Variants in SLC39A12 observed in about 807,000 individuals in gnomAD.
SLC39A12 encodes the protein zinc transporter ZIP12.
In SLC39A12, 63 loss-of-function variants were observed where a neutral mutation model predicts 71.1. That is an observed-to-expected ratio of 0.89 (90% CI 0.72 to 1.09). The LOEUF (loss-of-function observed/expected upper bound fraction) is 1.09. SLC39A12 is among the 50% of genes least tolerant of loss of function. The pLI is 0.00. For missense variants in SLC39A12, 892 were observed against 812.6 expected (o/e 1.10, Z -1.19); for synonymous variants, 351 against 301.3 (o/e 1.16, Z -1.71).
chr10:17,969,772 G>A (rs1369156605), intron 4 of SLC39A12, among the ~76,000 whole-genome samples: 2 of 152,018 alleles, frequency 1.3e-5, no homozygotes, highest in Non-Finnish European at 2.9e-5. Flanking sequence ...CTTTTGCTGT[G>A]CAGCTTTGTA....
rs1416920623 is a variant in SLC39A12 at position 18,042,940 on chromosome 10, A to G, written c.*107A>G. ...AATTAAGAATTTTTTATCTTAGGCA[A>G]AGTGTGTCTCTTTCAATTCATTAAC... On this transcript the variant is annotated 3_prime_UTR_variant, in exon 13 of 13. Coordinates refer to ENST00000377369, the MANE Select transcript of SLC39A12 (RefSeq NM_001145195.2). The G allele has an allele frequency of 6.8e-6, 6 of 887,390 alleles. No homozygotes were observed. Among genetic ancestry groups the G allele is most frequent in the Non-Finnish European group, 9.4e-6 (6 of 639,944 alleles). 55.0% of individuals were successfully genotyped at this position (887,390 alleles called of 1,614,324 possible). A position where few individuals can be genotyped will look rare whatever the true frequency, so the allele number is the denominator to read the frequency against.
intron 6 of SLC39A12, 48 bp downstream of exon 6, chr10:17,981,531 A>T (rs753848543): frequency 6.8e-7 from 1 of 1,471,632 alleles, no homozygotes; most frequent in African/African-American, 1.4e-5. Flanking sequence ...CAATGTATGC[A>T]ATAATAATAG....
At chr10:18,038,710 T>C (rs965822678) in intron 12 of SLC39A12, among the ~76,000 whole-genome samples, 1 of 152,156 alleles carries the variant, frequency 6.6e-6, no homozygotes, top group Non-Finnish European at 1.5e-5. Context: ...GTTTTGGATT[T>C]AGTCAAAACA....
intron 6 of SLC39A12, 117 bp downstream of exon 6, chr10:17,981,600 CT>C (rs1466477499): frequency 1.3e-6 from 1 of 770,006 alleles, no homozygotes; most frequent in Admixed American, 3.1e-5. Context: ...CATTTATCAG[CT>C]CATTTAATCC....
chr10:17,961,508 G>C (rs1316116821), intron 2 of SLC39A12, 73 bp from the exon 3 acceptor site: 3 of 1,399,202 alleles, frequency 2.1e-6, no homozygotes, highest in East Asian at 2.3e-5. Flanking sequence ...GAAGACCCTG[G>C]TGGTCATTAG....
At chr10:17,981,247 A>G in intron 5 of SLC39A12, 65 bp from the exon 6 acceptor site, 3 of 1,422,522 alleles carry the variant, frequency 2.1e-6, no homozygotes. Flanking sequence ...CAAGGATGAC[A>G]ACTGGTGGAG....
chr10:18,031,249 T>A (rs1836840200), intron 12 of SLC39A12, among the ~76,000 whole-genome samples: 1 of 145,008 alleles, frequency 6.9e-6, no homozygotes, highest in South Asian at 2.2e-4. Context: ...GTTGAACTAG[T>A]TTACAGTCCC....
chr10:18,000,890 T>C, intron 11 of SLC39A12, 65 bp downstream of exon 11: 1 of 1,457,932 alleles, frequency 6.9e-7, no homozygotes, highest in Non-Finnish European at 9.4e-7. Context: ...TTTCCAGCTA[T>C]GGTTTACTAG....
chr10:18,013,982 A>G (rs1022851727), intron 12 of SLC39A12, among the ~76,000 whole-genome samples: 1 of 151,980 alleles, frequency 6.6e-6, no homozygotes, highest in African/African-American at 2.4e-5. Context: ...TTTAGGGTTA[A>G]TTTTTCTATT....
chr10:18,036,733 A>C (rs1205678113), intron 12 of SLC39A12, among the ~76,000 whole-genome samples: 1 of 138,150 alleles, frequency 7.2e-6, no homozygotes, highest in East Asian at 2.2e-4. Flanking sequence ...TCTTGCAGTT[A>C]GCATTTTAAA....
chr10:17,957,839 C>G (rs1462474809), intron 2 of SLC39A12, among the ~76,000 whole-genome samples: 1 of 152,150 alleles, frequency 6.6e-6, no homozygotes, highest in Non-Finnish European at 1.5e-5. Flanking sequence ...AAAATAAATT[C>G]TTTACGATTC....
chr10:18,003,139 T>C, intron 11 of SLC39A12, 32 bp from the exon 12 acceptor site: 1 of 1,595,044 alleles, frequency 6.3e-7, no homozygotes, highest in Non-Finnish European at 8.5e-7. Flanking sequence ...CATTAAATGA[T>C]AATTATATTT....
chr10:18,004,817 A>G (rs1835962682), intron 12 of SLC39A12, among the ~76,000 whole-genome samples: 1 of 152,168 alleles, frequency 6.6e-6, no homozygotes, highest in African/African-American at 2.4e-5. Flanking sequence ...AAGACATGGA[A>G]TCAACCCAAG....
At chr10:17,981,717 T>C (rs924540279) in intron 6 of SLC39A12, among the ~76,000 whole-genome samples, 1 of 152,164 alleles carries the variant, frequency 6.6e-6, no homozygotes, top group Non-Finnish European at 1.5e-5. Context: ...AGCTGGGAAG[T>C]GATGGAGTTG....
intron 12 of SLC39A12, among the ~76,000 whole-genome samples, chr10:18,035,563 A>C (rs1836979552): frequency 1.3e-5 from 2 of 151,692 alleles, no homozygotes; most frequent in African/African-American, 4.9e-5. Flanking sequence ...ATTTTTTTCA[A>C]AGTTTTCAAC....
chr10:18,036,490 C>A (rs1331368335), intron 12 of SLC39A12, among the ~76,000 whole-genome samples: 1 of 151,982 alleles, frequency 6.6e-6, no homozygotes, highest in Non-Finnish European at 1.5e-5. Context: ...TGAGGCAATG[C>A]CTCGCCCTGC....
chr10:18,036,782 ATATATATATATAT>A (rs1837052814), intron 12 of SLC39A12, among the ~76,000 whole-genome samples: 1 of 7,266 alleles, frequency 1.4e-4, no homozygotes, highest in Non-Finnish European at 3.1e-4. Flanking sequence ...ATATATATAT[ATATATATATATAT>A]TTTTTTTTTT....
At chr10:18,023,093 T>A (rs902529664) in intron 12 of SLC39A12, among the ~76,000 whole-genome samples, 8 of 152,102 alleles carry the variant, frequency 5.3e-5, no homozygotes, top group African/African-American at 1.7e-4. Context: ...AGCTTGGCCC[T>A]CTGGGGCTGT....
intron 2 of SLC39A12, among the ~76,000 whole-genome samples, chr10:17,960,621 G>A (rs1692382617): frequency 6.6e-6 from 1 of 152,206 alleles, no homozygotes; most frequent in Non-Finnish European, 1.5e-5. Flanking sequence ...TCATAGAGAA[G>A]AGAGAGAATA....
Sources: allele counts gnomAD v4.1 joint callset (sites outside exome capture counted in the v4.1 genomes callset), GRCh38; gene constraint gnomAD v4.1.1; transcripts MANE v1.5; gene names NCBI Gene and HGNC (gene_info 2026-07-23, HGNC 2026-07-21).